The following ADAMTS7 variants were observed in gnomAD, a reference collection of about 807,000 sequenced individuals.
ADAMTS7 encodes A disintegrin and metalloproteinase with thrombospondin motifs 7.
Under a neutral mutation model 172.6 loss-of-function variants are expected in ADAMTS7, and 89 were observed. The observed-to-expected ratio is 0.52, with a 90% CI of 0.43 to 0.61. The LOEUF is 0.61. Among genes scored for constraint, ADAMTS7 ranks in the 20% least tolerant of loss-of-function variants. The probability of loss-of-function intolerance (pLI) is 0.00; values close to 1 mark genes in which losing one functional copy is unlikely to be tolerated. For synonymous variants in ADAMTS7, 885 were observed against 978.4 expected (o/e 0.90, Z 1.78); for missense variants, 1,973 against 2,355.6 (o/e 0.84, Z 3.36).
At position 78,766,872 on chromosome 15, in the gene ADAMTS7, G is replaced by A. The variant is rs375368981; in HGVS notation, c.3039C>T (p.His1013=). 8.6e-5 allele frequency: 138 copies of A among 1,609,206 alleles called. No homozygotes were observed. The highest frequency in any genetic ancestry group is 1.0e-4 in the Admixed American group (6 of 59,840). The change falls in exon 19 of 24, where the codon CAC becomes CAT. Residue 1013 remains histidine, a synonymous_variant. Coordinates refer to ENST00000388820, the MANE Select transcript of ADAMTS7 (RefSeq NM_014272.5). ...PEGSGSGSSS[H]ELFNEADFIP... is the part of the protein sequence containing the mutation. ...TGAAGTCAGCCTCGTTGAAGAGCTC[G>A]TGGCTGGAGGAGCCGCTGCCTGAGC...
intron 2 of ADAMTS7, 67 bp downstream of exon 2, chr15:78,800,125 G>C: frequency 7.1e-7 from 1 of 1,407,662 alleles, no homozygotes. Flanking sequence ...GCGTGGCAAG[G>C]CTAGAGCCAA....
rs2055646237 is a variant in ADAMTS7 at position 78,796,584 on chromosome 15, A to T, written c.819+6T>A. Reference sequence around the variant, plus strand: ...CGCCACCCGCTCCTGGCCCACACAGACTCACCATGTTCATGATGGTCAGCA... The same window carrying T: ...CGCCACCCGCTCCTGGCCCACACAGTCTCACCATGTTCATGATGGTCAGCA... On this transcript the variant is annotated splice_donor_region_variant and intron_variant, in intron 4 of 23. Coordinates refer to ENST00000388820, the MANE Select transcript of ADAMTS7 (RefSeq NM_014272.5). The T allele has an allele frequency of 1.9e-6, 3 of 1,607,988 alleles. No homozygotes were observed. The Middle Eastern group carries it at 5.0e-4, about 266-fold the overall frequency.
intron 2 of ADAMTS7, among the ~76,000 whole-genome samples, 164 bp downstream of exon 2, chr15:78,800,028 G>A (rs933786341): frequency 6.6e-6 from 1 of 151,888 alleles, no homozygotes; most frequent in African/African-American, 2.4e-5. Context: ...AGAGATCAAC[G>A]AGGCCTGCGT....
chr15:78,802,006 T>A (rs1470300853), intron 1 of ADAMTS7, among the ~76,000 whole-genome samples: 6 of 152,064 alleles, frequency 3.9e-5, no homozygotes, highest in African/African-American at 7.3e-5. Context: ...GATAATTTTT[T>A]ATTTTTTTTT....
intron 4 of ADAMTS7, among the ~76,000 whole-genome samples, chr15:78,794,636 G>A (rs1429361640): frequency 2.0e-5 from 3 of 152,258 alleles, no homozygotes; most frequent in Non-Finnish European, 4.4e-5. Context: ...AAGGGGCCAG[G>A]CCCTGGGGCA....
intron 19 of ADAMTS7, chr15:78,765,159 G>C: frequency 4.7e-6 from 1 of 212,924 alleles, no homozygotes; most frequent in Non-Finnish European, 9.4e-6. Flanking sequence ...CTGAACAGAA[G>C]CTTCCTTCTC....
In ADAMTS7 at chr15:78,800,449, G is replaced by C; in HGVS notation, c.199C>G (p.Leu67Val). The C allele has an allele frequency of 6.2e-7, 1 of 1,611,106 alleles. No homozygotes were observed. ...CGCACAGATACATCCCGCTTGCGCA[G>C]TGCGCGGGGCCACAGCTCGTAGGAC... ...FLSYELWPRALRKRDVSVRRD... is the reference protein window; with the variant it reads ...FLSYELWPRAVRKRDVSVRRD... Residue 67 changes from leucine to valine, a missense_variant, in exon 2 of 24, where the codon CTG becomes GTG. Coordinates refer to ENST00000388820, the MANE Select transcript of ADAMTS7 (RefSeq NM_014272.5).
chr15:78,769,948 G>C (rs1239778783), intron 16 of ADAMTS7, among the ~76,000 whole-genome samples: 1 of 152,188 alleles, frequency 6.6e-6, no homozygotes, highest in Non-Finnish European at 1.5e-5. Context: ...AATCACCTGA[G>C]GTCAGGAGTT....
intron 7 of ADAMTS7, 62 bp downstream of exon 7, chr15:78,789,627 T>C (rs964548269): frequency 6.3e-7 from 1 of 1,593,278 alleles, no homozygotes; most frequent in Admixed American, 1.7e-5. Flanking sequence ...GGATACCCGG[T>C]GCCCCCAGGC....
intron 11 of ADAMTS7, 88 bp downstream of exon 11, chr15:78,776,100 G>T: frequency 1.4e-6 from 2 of 1,458,212 alleles, no homozygotes; most frequent in Non-Finnish European, 9.2e-7. Flanking sequence ...AGAGCCAGGG[G>T]CTGGGACAGA....
chr15:78,788,174 C>T, intron 8 of ADAMTS7, 57 bp downstream of exon 8: 5 of 1,599,486 alleles, frequency 3.1e-6, no homozygotes. Flanking sequence ...TGCATCTCTC[C>T]CAGTAGACCT....
rs1255095179 is a variant in ADAMTS7, at chr15:78,764,205, G to A, written c.4420-106C>T. On this transcript the variant is annotated intron_variant, in intron 20 of 23. Coordinates refer to ENST00000388820, the MANE Select transcript of ADAMTS7 (RefSeq NM_014272.5). ...GGCATCCAGGCCCACGCCCCAGCCC[G>A]GGGGAATAGCTGAAGAACCCCAGCG... 1.7e-5 allele frequency: 24 copies of A among 1,390,562 alleles called. No homozygotes were observed. The East Asian group carries it at 2.4e-4, about 14-fold the overall frequency. The allele number at this position is 1,390,562 out of a possible 1,614,324, so 86.1% of individuals were successfully genotyped here.
intron 1 of ADAMTS7, among the ~76,000 whole-genome samples, chr15:78,805,313 A>G (rs1287657162): frequency 6.6e-6 from 1 of 152,214 alleles, no homozygotes; most frequent in South Asian, 2.1e-4. Context: ...AAATATTGAA[A>G]AACGTTTTAG....
intron 1 of ADAMTS7, among the ~76,000 whole-genome samples, chr15:78,802,773 A>G (rs2055742802): frequency 2.0e-5 from 3 of 152,112 alleles, no homozygotes; most frequent in Admixed American, 1.3e-4. Context: ...GAGGCAGGCA[A>G]ATCACTTGAG....
intron 8 of ADAMTS7, among the ~76,000 whole-genome samples, chr15:78,787,238 T>C (rs1038346865): frequency 6.6e-6 from 1 of 151,496 alleles, no homozygotes; most frequent in Admixed American, 6.6e-5. Flanking sequence ...GCTATACTCA[T>C]ATTTGCATTT....
chr15:78,770,112 G>A (rs111775124), intron 16 of ADAMTS7, among the ~76,000 whole-genome samples: 33,853 of 151,926 alleles, frequency 0.22, 4,789 homozygotes, highest in Non-Finnish European at 0.32. Flanking sequence ...GCAGTGAGCC[G>A]AGATTGTGCC....
intron 1 of ADAMTS7, 162 bp downstream of exon 1, chr15:78,810,959 C>G: frequency 1.2e-6 from 1 of 809,310 alleles, no homozygotes; most frequent in Non-Finnish European, 1.7e-6. Context: ...CCGGCCCGAC[C>G]CCGACTACTG....
intron 9 of ADAMTS7, 52 bp downstream of exon 9, chr15:78,777,392 G>T (rs7161774): frequency 0.63 from 987,695 of 1,578,872 alleles, 312,367 homozygotes; most frequent in East Asian, 0.83. Context: ...GCTGCCCCCT[G>T]AGCCCTCCTG....
intron 7 of ADAMTS7, 55 bp downstream of exon 7, chr15:78,789,634 A>G (rs1333964314): frequency 3.1e-6 from 5 of 1,600,924 alleles, no homozygotes; most frequent in African/African-American, 1.3e-5. Flanking sequence ...CGGTGCCCCC[A>G]GGCTGCGAGG....
Sources: allele counts gnomAD v4.1 joint callset (sites outside exome capture counted in the v4.1 genomes callset), GRCh38; gene constraint gnomAD v4.1.1; transcripts MANE v1.5; gene names NCBI Gene and HGNC (gene_info 2026-07-23, HGNC 2026-07-21).